Variants in TUBGCP5 observed in about 807,000 individuals in gnomAD.
TUBGCP5 encodes the protein tubulin gamma complex component 5, also known as gamma-tubulin complex component 5.
Under a neutral mutation model 134.7 loss-of-function variants are expected in TUBGCP5, and 98 were observed. The observed-to-expected ratio is 0.73, with a 90% CI of 0.62 to 0.86. The LOEUF is 0.86. Among genes scored for constraint, TUBGCP5 ranks in the 40% least tolerant of loss-of-function variants. TUBGCP5 has a pLI of 0.00. For missense variants in TUBGCP5, 1,150 were observed against 1,244.8 expected (o/e 0.92, Z 1.15); for synonymous variants, 456 against 431.4 (o/e 1.06, Z -0.71).
chr15:23,031,560 C>T (rs1338987908), intron 5 of TUBGCP5, among the ~76,000 whole-genome samples: 3 of 152,136 alleles, frequency 2.0e-5, no homozygotes, highest in South Asian at 2.1e-4. Context: ...TCAAGTGATC[C>T]GCCTACCTCA....
Position 23,004,233 on chromosome 15 carries a change from A to G in TUBGCP5, c.2713-6T>C, listed in dbSNP as rs1567104046. The stretch of plus-strand genomic sequence containing the variant: ...AGCCCTGTACTGTGTAGAATCTTGG[A>G]AGAGAAAGATAAAAAGCTTCATCAG... On this transcript the variant is annotated splice_polypyrimidine_tract_variant and splice_region_variant and intron_variant, in intron 19 of 22. Coordinates refer to ENST00000615383, the MANE Select transcript of TUBGCP5 (RefSeq NM_052903.6). 1 of 1,602,136 alleles carries G rather than the reference A, an allele frequency of 6.2e-7. No individual in the cohort carries two copies.
downstream of TUBGCP5, among the ~76,000 whole-genome samples, chr15:22,994,333 G>C (rs1384138593): frequency 6.6e-6 from 1 of 151,544 alleles, no homozygotes; most frequent in African/African-American, 2.4e-5. Flanking sequence ...CCAATAATCC[G>C]CCTGCCTTGG....
chr15:22,988,692 C>T (rs549062929), intron 23 of TUBGCP5, among the ~76,000 whole-genome samples: 8 of 147,636 alleles, frequency 5.4e-5, no homozygotes, highest in South Asian at 2.1e-4. Flanking sequence ...GCCGAGATCG[C>T]GTGACTGCAC....
chr15:23,004,028 CATA>C, intron 20 of TUBGCP5, 71 bp downstream of exon 20: 1 of 1,507,202 alleles, frequency 6.6e-7, no homozygotes, highest in Non-Finnish European at 8.9e-7. Context: ...GCTTAATCAT[CATA>C]AAATTCCAAA....
chr15:23,008,725 T>G lies in TUBGCP5; in HGVS notation c.2301A>C (p.Gly767=). ...FLNVQLQEAV[G]QRYPEDSSRL... ...GTGAACTATCTTCAGGATAACGCTG[T>G]CCTACTGCTTCTTGGAGTTGGACAT... Residue 767 remains glycine, a synonymous_variant, in exon 16 of 23, where the codon GGA becomes GGC. Coordinates refer to ENST00000615383, the MANE Select transcript of TUBGCP5 (RefSeq NM_052903.6). 1 of 1,607,868 alleles carries G rather than the reference T, an allele frequency of 6.2e-7. No homozygotes were observed. The highest frequency in any genetic ancestry group is 8.5e-7 in the Non-Finnish European group (1 of 1,178,734).
chr15:23,005,423 G>A lies in TUBGCP5; in HGVS notation c.2712+9C>T. ...CGATAGAACTGAAGCAGATGGGAGAGGCACAAACCCTGGTCATGATGTAGT... is the reference window on the plus strand; with the variant it reads ...CGATAGAACTGAAGCAGATGGGAGAAGCACAAACCCTGGTCATGATGTAGT... On this transcript the variant is annotated intron_variant, in intron 19 of 22. Transcript: ENST00000615383. 1 of 1,613,144 alleles carries A rather than the reference G, an allele frequency of 6.2e-7. No homozygotes were observed. Among genetic ancestry groups the A allele is most frequent in the Non-Finnish European group, 8.5e-7 (1 of 1,179,368 alleles).
chr15:23,026,014 A>T, intron 8 of TUBGCP5, 102 bp downstream of exon 8: 1 of 850,032 alleles, frequency 1.2e-6, no homozygotes, highest in Non-Finnish European at 1.8e-6. Flanking sequence ...GACCTTTTCT[A>T]GTTTGCATGT....
chr15:23,036,187 G>A (rs1193779106), intron 3 of TUBGCP5, among the ~76,000 whole-genome samples: 4 of 152,170 alleles, frequency 2.6e-5, no homozygotes. Flanking sequence ...GGTCAGCCAT[G>A]TGGGCTCTGC....
At chr15:22,988,472 G>A (rs566291054) in intron 23 of TUBGCP5, among the ~76,000 whole-genome samples, 5 of 151,878 alleles carry the variant, frequency 3.3e-5, no homozygotes, top group East Asian at 3.9e-4. Flanking sequence ...GGTGGCTGAA[G>A]CCTGTAATCC....
intron 20 of TUBGCP5, 126 bp from the exon 21 acceptor site, chr15:23,003,279 T>C (rs556182662): frequency 3.2e-5 from 27 of 842,386 alleles, no homozygotes; most frequent in African/African-American, 2.5e-4. Flanking sequence ...TCTGTGTATA[T>C]GGAAGGGTAC....
intron 23 of TUBGCP5, among the ~76,000 whole-genome samples, chr15:22,991,905 T>A (rs1038743463): frequency 1.3e-5 from 2 of 152,156 alleles, no homozygotes; most frequent in African/African-American, 4.8e-5. Flanking sequence ...AGGCAAGGCA[T>A]ATTTAACATT....
At chr15:23,025,188 C>T (rs1283105388) in intron 8 of TUBGCP5, among the ~76,000 whole-genome samples, 3 of 152,140 alleles carry the variant, frequency 2.0e-5, no homozygotes, top group Admixed American at 1.3e-4. Context: ...AGGTGTGAAC[C>T]ACCATGCCCC....
At chr15:23,003,647 T>G (rs867783328) in intron 20 of TUBGCP5, among the ~76,000 whole-genome samples, 1,633 of 145,798 alleles carry the variant, frequency 0.011, 45 homozygotes, top group African/African-American at 0.041. Flanking sequence ...TTTTTTTTTT[T>G]TTTTTTTTTT....
rs73411360 is a variant in TUBGCP5 at position 22,992,113 on chromosome 15, C to G, written c.*61+4732G>C. 4.1e-3 allele frequency among the ~76,000 whole-genome samples: 618 copies of G among 152,254 alleles called. 6 individuals carry two copies. Among genetic ancestry groups the G allele is most frequent in the African/African-American group, 0.014 (601 of 41,542 alleles). On this transcript the variant is annotated intron_variant and NMD_transcript_variant, in intron 23 of 23. Coordinates refer to the TUBGCP5 transcript ENST00000614508. ...GAATCTGAGAAGAATTGCAGTCGTA[C>G]GACCTGACAGTCTCCAGGGCTCAAC... is the stretch of plus-strand genomic sequence containing the variant.
chr15:23,039,217 C>A (rs908212130), intron 1 of TUBGCP5, among the ~76,000 whole-genome samples, 181 bp downstream of exon 1: 2 of 151,882 alleles, frequency 1.3e-5, no homozygotes, highest in African/African-American at 4.8e-5. Context: ...GCGCAGGGCA[C>A]CGCGCCGAGA....
chr15:23,008,762 A>G lies in TUBGCP5; in HGVS notation c.2264T>C (p.Val755Ala). ...TTGGAGTTGGACATTAAGAAAAGAC[A>G]CATTCTGCCATGTTTCCTTTTCTCT... Reference protein sequence around the residue: ...KIREKETWQNVSFLNVQLQEA... With the variant: ...KIREKETWQNASFLNVQLQEA... Residue 755 changes from valine (V) to alanine (A), a missense_variant, in exon 16 of 23, where the codon GTG becomes GCG. Physicochemically the swap from Val to Ala is moderately conservative, Grantham distance 64 (BLOSUM62 0). This residue lies in a region of TUBGCP5 where 697 missense variants were observed against 850.1 expected (regional missense o/e 0.82). Coordinates refer to ENST00000615383, the MANE Select transcript of TUBGCP5 (RefSeq NM_052903.6). The G allele has an allele frequency of 6.2e-7, 1 of 1,608,514 alleles. No individual in the cohort carries two copies. Among genetic ancestry groups the G allele is most frequent in the Non-Finnish European group, 8.5e-7 (1 of 1,178,776 alleles).
chr15:23,035,876 G>A (rs1395156312), intron 3 of TUBGCP5, among the ~76,000 whole-genome samples: 1 of 152,160 alleles, frequency 6.6e-6, no homozygotes, highest in Non-Finnish European at 1.5e-5. Flanking sequence ...CTGTGCTCTA[G>A]GTGTCCGGGA....
chr15:22,985,024 A>G (rs2140329521), intron 23 of TUBGCP5, among the ~76,000 whole-genome samples: 1 of 152,320 alleles, frequency 6.6e-6, no homozygotes, highest in East Asian at 1.9e-4. Flanking sequence ...CCAAACAACA[A>G]TAAAATGACA....
chr15:23,028,937 T>C (rs2066135636), intron 6 of TUBGCP5, among the ~76,000 whole-genome samples: 1 of 152,138 alleles, frequency 6.6e-6, no homozygotes, highest in African/African-American at 2.4e-5. Context: ...ATTATGAGAA[T>C]TCAGTAAAAA....
Sources: allele counts gnomAD v4.1 joint callset (sites outside exome capture counted in the v4.1 genomes callset), GRCh38; gene constraint gnomAD v4.1.1; regional missense constraint gnomAD v4.1.1; transcripts MANE v1.5; gene names NCBI Gene and HGNC (gene_info 2026-07-23, HGNC 2026-07-21).